NRXN1: variants seen among roughly 807,000 people sequenced by gnomAD.
The protein encoded by NRXN1 is neurexin 1, also known as neurexin-1.
Under a neutral mutation model 150.9 loss-of-function variants are expected in NRXN1, and 39 were observed. The observed-to-expected ratio is 0.26, with a 90% CI of 0.20 to 0.34. NRXN1 has a LOEUF of 0.34. Ranked by LOEUF, NRXN1 falls within the 10% of genes least tolerant of loss-of-function variation. The pLI is 1.00. For synonymous variants in NRXN1, 924 were observed against 757.0 expected (o/e 1.22, Z -3.62); for missense variants, 1,815 against 1,949.9 (o/e 0.93, Z 1.30).
chr2:50,147,832 G>C (rs1249900482), intron 18 of NRXN1, among the ~76,000 whole-genome samples: 1 of 151,858 alleles, frequency 6.6e-6, no homozygotes, highest in East Asian at 1.9e-4. Context: ...ATCCCATGGT[G>C]TCTTTTAAAG....
intron 5 of NRXN1, among the ~76,000 whole-genome samples, chr2:50,826,277 A>T (rs1670434853): frequency 6.6e-6 from 1 of 152,174 alleles, no homozygotes; most frequent in Non-Finnish European, 1.5e-5. Flanking sequence ...TCTTCTGGGG[A>T]CAGTTTTACA....
At chr2:50,405,073 A>C (rs554520969) in intron 17 of NRXN1, among the ~76,000 whole-genome samples, 1 of 152,246 alleles carries the variant, frequency 6.6e-6, no homozygotes, top group Non-Finnish European at 1.5e-5. Context: ...GGGAGCTTAA[A>C]AATGACAAGG....
chr2:50,369,992 A>G (rs1464203653), intron 17 of NRXN1, among the ~76,000 whole-genome samples: 2 of 152,038 alleles, frequency 1.3e-5, no homozygotes, highest in South Asian at 2.1e-4. Flanking sequence ...AGGTAAATGT[A>G]TCTCTTCATA....
At chr2:50,098,833 T>G (rs796841460) in intron 18 of NRXN1, among the ~76,000 whole-genome samples, 303 of 5,184 alleles carry the variant, frequency 0.058, 14 homozygotes, top group African/African-American at 0.3. Context: ...GGTTTTAGTT[T>G]TTTTTTTTTT....
chr2:50,396,096 T>C (rs889317919), intron 17 of NRXN1, among the ~76,000 whole-genome samples: 1 of 152,166 alleles, frequency 6.6e-6, no homozygotes, highest in Non-Finnish European at 1.5e-5. Flanking sequence ...AGAATTCTAA[T>C]TCAATATCCT....
intron 5 of NRXN1, among the ~76,000 whole-genome samples, chr2:50,726,180 T>G (rs1318972611): frequency 2.0e-5 from 3 of 152,218 alleles, no homozygotes; most frequent in Non-Finnish European, 4.4e-5. Context: ...GTGATTATTC[T>G]TTGTACTCTT....
At chr2:50,161,407 C>T (rs535207507) in intron 18 of NRXN1, among the ~76,000 whole-genome samples, 51 of 151,514 alleles carry the variant, frequency 3.4e-4, no homozygotes, top group Non-Finnish European at 6.2e-4. Context: ...GTATTTCCAG[C>T]GACTTAATTT....
intron 13 of NRXN1, among the ~76,000 whole-genome samples, chr2:50,501,243 T>A (rs1361599979): frequency 2.6e-5 from 4 of 152,088 alleles, no homozygotes; most frequent in Admixed American, 6.5e-5. Context: ...CTACAGAGCA[T>A]GGCTGGAGAG....
intron 5 of NRXN1, among the ~76,000 whole-genome samples, chr2:50,772,863 G>T (rs1294936182): frequency 6.6e-6 from 1 of 152,066 alleles, no homozygotes; most frequent in African/African-American, 2.4e-5. Context: ...TTTATGGGCT[G>T]TAGATATTCA....
intron 5 of NRXN1, among the ~76,000 whole-genome samples, chr2:50,649,764 C>G (rs1008073899): frequency 8.6e-5 from 13 of 151,916 alleles, no homozygotes; most frequent in Non-Finnish European, 1.6e-4. Flanking sequence ...CTCCTTAGAG[C>G]AAGGGAATTT....
At chr2:50,408,136 A>G (rs2104023080) in intron 17 of NRXN1, among the ~76,000 whole-genome samples, 1 of 152,300 alleles carries the variant, frequency 6.6e-6, no homozygotes, top group East Asian at 1.9e-4. Context: ...GCCCTCCAAG[A>G]TCTTACCATC....
chr2:50,063,025 A>C (rs1164452009), intron 19 of NRXN1, among the ~76,000 whole-genome samples: 1 of 152,200 alleles, frequency 6.6e-6, no homozygotes, highest in Non-Finnish European at 1.5e-5. Flanking sequence ...ACAAGAGAAG[A>C]TTAGTAACCT....
At chr2:50,385,834 G>A (rs944898113) in intron 17 of NRXN1, among the ~76,000 whole-genome samples, 9 of 151,798 alleles carry the variant, frequency 5.9e-5, no homozygotes, top group Non-Finnish European at 8.8e-5. Context: ...AATAAAAAAC[G>A]TCAACCTTAA....
At chr2:50,831,381 T>C (rs1489388756) in intron 5 of NRXN1, among the ~76,000 whole-genome samples, 9 of 152,224 alleles carry the variant, frequency 5.9e-5, no homozygotes, top group Non-Finnish European at 5.9e-5. Context: ...TGGGAAATTT[T>C]AGCCAATGTA....
chr2:50,249,702 A>G (rs2066861005), intron 17 of NRXN1, among the ~76,000 whole-genome samples: 1 of 150,734 alleles, frequency 6.6e-6, no homozygotes, highest in Non-Finnish European at 1.5e-5. Context: ...CAATGGTGTG[A>G]TCTCAGCTCA....
intron 17 of NRXN1, among the ~76,000 whole-genome samples, chr2:50,330,571 A>C (rs544751145): frequency 6.6e-6 from 1 of 152,346 alleles, no homozygotes; most frequent in East Asian, 1.9e-4. Flanking sequence ...CCATTAAAAA[A>C]ATCCCCACAG....
chr2:50,685,066 T>C (rs1691017635), intron 5 of NRXN1, among the ~76,000 whole-genome samples: 1 of 152,206 alleles, frequency 6.6e-6, no homozygotes, highest in African/African-American at 2.4e-5. Context: ...AAATTCAATT[T>C]TGGCTTGTTT....
At chr2:50,319,797 A>G (rs964343495) in intron 17 of NRXN1, among the ~76,000 whole-genome samples, 3 of 152,062 alleles carry the variant, frequency 2.0e-5, no homozygotes, top group Non-Finnish European at 2.9e-5. Flanking sequence ...TTTCTGCTCT[A>G]TTGAAATCTT....
intron 5 of NRXN1, among the ~76,000 whole-genome samples, chr2:50,771,163 G>T (rs1702968406): frequency 6.6e-6 from 1 of 151,918 alleles, no homozygotes; most frequent in Non-Finnish European, 1.5e-5. Context: ...GAAGGATGAT[G>T]GTCATAGATT....
Sources: gnomAD v4.1 joint callset for allele counts (sites outside exome capture counted in the v4.1 genomes callset) on GRCh38, gnomAD v4.1.1 for gene constraint, MANE v1.5 for transcripts, NCBI Gene and HGNC (gene_info 2026-07-23, HGNC 2026-07-21) for gene names.